The following SPATA31C1 variants were observed in gnomAD, a reference collection of about 807,000 sequenced individuals.
The protein encoded by SPATA31C1 is SPATA31 subfamily C member 1.
At chr9:87,920,572 C>T (rs1188276995) in exon 5 of SPATA31C1, 2 of 1,613,784 alleles carry the variant, frequency 1.2e-6, no homozygotes, top group South Asian at 2.2e-5. Flanking sequence ...CCACCACACA[C>T]CCCTGATCCT....
At position 87,922,337 on chromosome 9, in the gene SPATA31C1, C is replaced by T. The variant is rs757395211; in HGVS notation, n.2727C>T. The T allele has an allele frequency of 9.9e-6, 16 of 1,611,176 alleles. No homozygotes were observed. In the East Asian group the frequency reaches 3.4e-4, roughly 34 times the overall value. On this transcript the variant is annotated non_coding_transcript_exon_variant, in exon 5 of 5. Transcript: ENST00000420021. ...AGACCAGGGAGGCAGTGCCACAACC[C>T]ACAGTCCCCTTGGGAACCTGTATGA...
At chr9:87,915,679 C>G (rs1828700606) in intron 1 of SPATA31C1, among the ~76,000 whole-genome samples, 1 of 143,634 alleles carries the variant, frequency 7.0e-6, no homozygotes. Flanking sequence ...GCTCCAGAAC[C>G]ACTGTACTAT....
chr9:87,920,842 A>T (rs749089461), exon 5 of SPATA31C1: 1 of 1,613,634 alleles, frequency 6.2e-7, no homozygotes, highest in South Asian at 1.1e-5. Flanking sequence ...GTCCAGCAAG[A>T]TCATCTTTCC....
intron 4 of SPATA31C1, 49 bp from the exon 4 acceptor site, chr9:87,920,203 C>T (rs779472656): frequency 1.8e-5 from 29 of 1,609,012 alleles, no homozygotes; most frequent in East Asian, 6.7e-5. Flanking sequence ...CTCTGCCCTC[C>T]GAACCCATCT....
At chr9:87,919,330 A>C in exon 3 of SPATA31C1, 1 of 1,602,146 alleles carries the variant, frequency 6.2e-7, no homozygotes, top group Non-Finnish European at 8.5e-7. Context: ...AGGCAGGATG[A>C]AAAACCACAG....
intron 1 of SPATA31C1, among the ~76,000 whole-genome samples, chr9:87,916,841 CAAAA>C (rs1230715157): frequency 1.3e-5 from 1 of 78,544 alleles, no homozygotes; most frequent in African/African-American, 2.8e-5. Context: ...ACCAAAAATA[CAAAA>C]AATTAGCCGG....
At chr9:87,915,431 T>C (rs59069465) in intron 1 of SPATA31C1, among the ~76,000 whole-genome samples, 57,467 of 142,422 alleles carry the variant, frequency 0.4, 14,150 homozygotes, top group Middle Eastern at 0.46. Flanking sequence ...GCGTACTGAG[T>C]AGCTGGGGAT....
chr9:87,922,324 C>G (rs557816890), exon 5 of SPATA31C1: 1 of 1,611,408 alleles, frequency 6.2e-7, no homozygotes, highest in East Asian at 2.2e-5. Flanking sequence ...ACCAGGGAGG[C>G]AGTGCCACAA....
At chr9:87,920,468 C>T (rs971555515) in exon 5 of SPATA31C1, 2 of 1,613,870 alleles carry the variant, frequency 1.2e-6, no homozygotes, top group African/African-American at 2.7e-5. Context: ...GCCCAATGAC[C>T]ACCTCAGTCT....
chr9:87,915,262 G>A (rs1160649718), intron 1 of SPATA31C1, among the ~76,000 whole-genome samples: 11 of 119,044 alleles, frequency 9.2e-5, no homozygotes, highest in East Asian at 2.5e-4. Context: ...GACTGATGGC[G>A]TCCATGGTGG....
chr9:87,916,057 G>C (rs1420570110), intron 1 of SPATA31C1, among the ~76,000 whole-genome samples: 1 of 143,320 alleles, frequency 7.0e-6, no homozygotes, highest in East Asian at 2.2e-4. Context: ...AAATTTTATA[G>C]CCACAGAGCA....
At chr9:87,920,155 G>T in intron 4 of SPATA31C1, 97 bp from the exon 4 acceptor site, 3 of 1,601,370 alleles carry the variant, frequency 1.9e-6, no homozygotes, top group Non-Finnish European at 2.6e-6. Flanking sequence ...TGGTGGAGAG[G>T]GTGTGGCGTG....
intron 2 of SPATA31C1, 76 bp from the exon 2 acceptor site, chr9:87,919,179 C>T: frequency 1.3e-6 from 2 of 1,588,958 alleles, no homozygotes; most frequent in Non-Finnish European, 1.7e-6. Context: ...CCATGCGGTT[C>T]ATGAGTGCAG....
chr9:87,921,436 C>A lies in SPATA31C1; in HGVS notation n.1826C>A, dbSNP rs751171735. 4 of 1,611,730 alleles carry A rather than the reference C, an allele frequency of 2.5e-6. No individual in the cohort carries two copies. In the South Asian group the frequency reaches 3.3e-5, roughly 13 times the overall value. On this transcript the variant is annotated non_coding_transcript_exon_variant, in exon 5 of 5. Transcript: ENST00000420021. ...GGTGAAAGCAGCAAGGAGGCACAGA[C>A]GGTGAAGTTCCAGCTAGAGAGGGAC...
exon 5 of SPATA31C1, chr9:87,923,108 G>A (rs1430869756): frequency 1.2e-6 from 2 of 1,603,262 alleles, no homozygotes; most frequent in African/African-American, 2.7e-5. Flanking sequence ...CAGTTGGACA[G>A]ATACCGGAGG....
chr9:87,920,069 G>C, intron 4 of SPATA31C1, 93 bp downstream of exon 3: 1 of 1,608,470 alleles, frequency 6.2e-7, no homozygotes, highest in Non-Finnish European at 8.5e-7. Context: ...GGGATGGGGA[G>C]ACCAGGGGGA....
In SPATA31C1 at chr9:87,920,337, G is replaced by T. The variant is rs527614246; in HGVS notation, n.727G>T. ...AGGTGAGGTGGGCAAAAGAACACCT[G>T]ATGGAGCCTCCCGGTCCTCTCATGA... On this transcript the variant is annotated non_coding_transcript_exon_variant, in exon 5 of 5. Coordinates refer to ENST00000420021, the Ensembl canonical transcript of SPATA31C1. 1.4e-5 allele frequency: 22 copies of T among 1,613,980 alleles called. No homozygotes were observed. The East Asian group carries it at 4.9e-4, about 36-fold the overall frequency.
chr9:87,922,803 A>G (rs1432647237), exon 5 of SPATA31C1: 1 of 1,606,284 alleles, frequency 6.2e-7, no homozygotes, highest in South Asian at 1.1e-5. Flanking sequence ...GGAGAACTCT[A>G]GGAAGCCCAA....
At chr9:87,921,445 T>G in exon 5 of SPATA31C1, 1 of 1,611,684 alleles carries the variant, frequency 6.2e-7, no homozygotes, top group Non-Finnish European at 8.5e-7. Context: ...ACGGTGAAGT[T>G]CCAGCTAGAG....
Sources: allele counts gnomAD v4.1 joint callset (sites outside exome capture counted in the v4.1 genomes callset), GRCh38; gene constraint gnomAD v4.1.1; transcripts MANE v1.5; gene names NCBI Gene and HGNC (gene_info 2026-07-23, HGNC 2026-07-21).